The following CSGALNACT2 variants were observed in gnomAD, a reference collection of about 807,000 sequenced individuals.
The protein encoded by CSGALNACT2 is chondroitin sulfate N-acetylgalactosaminyltransferase 2, also known as beta 4 GalNAcT-2.
Under a neutral mutation model 55.3 loss-of-function variants are expected in CSGALNACT2, and 35 were observed. The observed-to-expected ratio is 0.63, with a 90% confidence interval of 0.48 to 0.84. CSGALNACT2 has a LOEUF of 0.84. CSGALNACT2 is among the 40% of genes least tolerant of loss of function. The pLI is 0.00. For synonymous variants in CSGALNACT2, 196 were observed against 224.9 expected (o/e 0.87, Z 1.15); for missense variants, 544 against 657.5 (o/e 0.83, Z 1.89).
At chr10:43,173,956 G>A (rs1839430976) in intron 6 of CSGALNACT2, among the ~76,000 whole-genome samples, 1 of 152,132 alleles carries the variant, frequency 6.6e-6, no homozygotes, top group Admixed American at 6.5e-5. Flanking sequence ...TTGTGCCACT[G>A]CCGTCCAGTC....
intron 1 of CSGALNACT2, among the ~76,000 whole-genome samples, chr10:43,146,098 A>C (rs1324211326): frequency 6.6e-6 from 1 of 152,192 alleles, no homozygotes; most frequent in Non-Finnish European, 1.5e-5. Context: ...AAGGGAGTTT[A>C]TTAAGGAGAA....
chr10:43,146,895 C>T (rs1321919895), intron 1 of CSGALNACT2, among the ~76,000 whole-genome samples: 1 of 151,802 alleles, frequency 6.6e-6, no homozygotes, highest in Middle Eastern at 3.4e-3. Context: ...TATTTTTAGC[C>T]CTTCTGTGTA....
intron 1 of CSGALNACT2, among the ~76,000 whole-genome samples, chr10:43,143,493 A>ATG (rs3983257): frequency 0.11 from 15,809 of 141,782 alleles, 868 homozygotes; most frequent in Admixed American, 0.16. Context: ...CTCTCCAAAA[A>ATG]TGTGTGTGTG....
chr10:43,183,121 G>A, intron 7 of CSGALNACT2, 129 bp from the exon 8 acceptor site: 1 of 709,904 alleles, frequency 1.4e-6, no homozygotes. Context: ...TCCATGCCAG[G>A]TGTCTCGTGC....
intron 4 of CSGALNACT2, chr10:43,163,252 C>A (rs1162355606): frequency 1.0e-6 from 1 of 973,890 alleles, no homozygotes; most frequent in African/African-American, 1.8e-5. Context: ...TTCATTCATT[C>A]ATTCAGCAAA....
rs139133871 is a variant in CSGALNACT2 at position 43,172,969 on chromosome 10, G to A, written c.1255-2982G>A. ...TTCCTAGGGTGTTTGGAGCACAGCC[G>A]GTGAGGGGCACATAGCTGGGCCAGG... On this transcript the variant is annotated intron_variant, in intron 6 of 7. Coordinates refer to ENST00000374466, the MANE Select transcript of CSGALNACT2 (RefSeq NM_018590.5). 2.9e-3 allele frequency among the ~76,000 whole-genome samples: 441 copies of A among 152,296 alleles called. 2 individuals are homozygous for A. The highest frequency in any genetic ancestry group is 4.2e-3 in the Non-Finnish European group (286 of 68,030).
chr10:43,180,754 C>T (rs1251442339), intron 7 of CSGALNACT2, among the ~76,000 whole-genome samples: 2 of 152,128 alleles, frequency 1.3e-5, no homozygotes, highest in Non-Finnish European at 1.5e-5. Flanking sequence ...GTGGAGGGAG[C>T]GGAAGTGTTC....
Position 43,175,425 on chromosome 10 carries a change from T to A in CSGALNACT2, c.1255-526T>A, listed in dbSNP as rs992318822. 1.2e-4 allele frequency among the ~76,000 whole-genome samples: 18 copies of A among 152,254 alleles called. No homozygotes were observed. The South Asian group carries it at 1.2e-3, about 11-fold the overall frequency. ...TTACCTACTTGGCCTGATTTTTTTT[T>A]AAATACCTATTAGTGAGCCAGTAAG... On this transcript the variant is annotated intron_variant, in intron 6 of 7. Coordinates refer to ENST00000374466, the MANE Select transcript of CSGALNACT2 (RefSeq NM_018590.5).
rs201520002 is a variant in CSGALNACT2, at chr10:43,163,919, G to A, written c.1034G>A (p.Arg345His). Reference sequence around the variant, plus strand: ...GTCTCATTGAATGAAGAATTTAATCGTGGACGAGGACTAAATGTGGGTGCC... The same window carrying A: ...GTCTCATTGAATGAAGAATTTAATCATGGACGAGGACTAAATGTGGGTGCC... ...TLVSLNEEFN[R>H]GRGLNVGARA... The change falls in exon 5 of 8, where the codon CGT becomes CAT. Residue 345 changes from arginine (R) to histidine (H), a missense_variant. Arg to His is a conservative substitution (Grantham distance 29). This residue lies in a region of CSGALNACT2 where 170 missense variants were observed against 256.2 expected (regional missense o/e 0.66). Transcript: ENST00000374466. 1.9e-6 allele frequency: 3 copies of A among 1,614,044 alleles called. No homozygotes were observed. Among genetic ancestry groups the A allele is most frequent in the Admixed American group, 1.7e-5 (1 of 60,006 alleles).
intron 4 of CSGALNACT2, chr10:43,162,431 G>C: frequency 1.0e-6 from 1 of 985,394 alleles, no homozygotes; most frequent in Non-Finnish European, 1.2e-6. Flanking sequence ...CTGTGGTTGG[G>C]GTGGGCAGAG....
chr10:43,174,672 G>A (rs1427697980), intron 6 of CSGALNACT2, among the ~76,000 whole-genome samples: 1 of 152,074 alleles, frequency 6.6e-6, no homozygotes, highest in East Asian at 1.9e-4. Context: ...TTTTGCTTTT[G>A]GTACATACCA....
intron 1 of CSGALNACT2, among the ~76,000 whole-genome samples, chr10:43,145,410 C>CT (rs71016727): frequency 0.74 from 73,138 of 99,450 alleles, 27,017 homozygotes; most frequent in African/African-American, 0.82. Context: ...TTGTTTGTTT[C>CT]TTTTTTTTTT....
chr10:43,147,636 G>A (rs984884716), intron 1 of CSGALNACT2, among the ~76,000 whole-genome samples: 3 of 152,096 alleles, frequency 2.0e-5, no homozygotes, highest in African/African-American at 7.2e-5. Flanking sequence ...ACATGCTAGT[G>A]GATGTGGAGT....
At chr10:43,177,799 T>A (rs952792324) in intron 7 of CSGALNACT2, among the ~76,000 whole-genome samples, 4 of 152,262 alleles carry the variant, frequency 2.6e-5, no homozygotes, top group African/African-American at 4.8e-5. Context: ...TCTGGCTGGG[T>A]CATATGGTAA....
chr10:43,157,700 G>T (rs1370919244), intron 2 of CSGALNACT2, among the ~76,000 whole-genome samples: 1 of 151,992 alleles, frequency 6.6e-6, no homozygotes, highest in South Asian at 2.1e-4. Flanking sequence ...ACATCTGTAG[G>T]TCTAACCTTC....
intron 2 of CSGALNACT2, among the ~76,000 whole-genome samples, chr10:43,158,061 C>T (rs1296103851): frequency 6.6e-6 from 1 of 150,720 alleles, no homozygotes; most frequent in African/African-American, 2.4e-5. Flanking sequence ...CAGATTGCCT[C>T]GTAGATGCGC....
intron 4 of CSGALNACT2, chr10:43,162,896 C>CTGCTGA: frequency 1.0e-6 from 1 of 985,418 alleles, no homozygotes; most frequent in Non-Finnish European, 1.2e-6. Flanking sequence ...CAGAAAAGTC[C>CTGCTGA]TGCTGATTCT....
intron 7 of CSGALNACT2, among the ~76,000 whole-genome samples, chr10:43,181,222 T>TGGGTAC (rs1227089106): frequency 6.6e-6 from 1 of 152,348 alleles, no homozygotes; most frequent in African/African-American, 2.4e-5. Flanking sequence ...TTTTCCTACC[T>TGGGTAC]GGGTACTGGT....
At chr10:43,176,126 A>G (rs1839477282) in intron 7 of CSGALNACT2, 94 bp downstream of exon 7, 6 of 954,732 alleles carry the variant, frequency 6.3e-6, no homozygotes, top group Admixed American at 2.5e-5. Flanking sequence ...TTTTCCTACT[A>G]AAGTATGAGT....
Sources: allele counts gnomAD v4.1 joint callset (sites outside exome capture counted in the v4.1 genomes callset), GRCh38; gene constraint gnomAD v4.1.1; regional missense constraint gnomAD v4.1.1; transcripts MANE v1.5; gene names NCBI Gene and HGNC (gene_info 2026-07-23, HGNC 2026-07-21).